The following CFDP1 variants were observed in gnomAD, a reference collection of about 807,000 sequenced individuals.
The protein encoded by CFDP1 is chromatin remodeling protein CFDP1, also known as heterochromatin-stabilizing protein CFDP1.
In CFDP1, 31 loss-of-function variants were observed where a neutral mutation model predicts 40.1. The ratio of observed to expected loss-of-function variants is 0.77; its 90% CI spans 0.58 to 1.04. The LOEUF (loss-of-function observed/expected upper bound fraction) is 1.04, where lower values mean the gene tolerates loss of function less well. Ranked by LOEUF, CFDP1 falls within the 50% of genes least tolerant of loss-of-function variation. The pLI, the probability that CFDP1 is intolerant of heterozygous loss-of-function variation, is 0.00. For missense variants in CFDP1, 423 were observed against 343.4 expected (o/e 1.23, Z -1.83); for synonymous variants, 167 against 120.0 (o/e 1.39, Z -2.56).
At chr16:75,326,585 G>C (rs901944337) in intron 5 of CFDP1, among the ~76,000 whole-genome samples, 2 of 152,216 alleles carry the variant, frequency 1.3e-5, no homozygotes, top group African/African-American at 2.4e-5. Context: ...GGAGCACAGT[G>C]AACAGGTAAG....
chr16:75,363,666 G>A (rs1005503977), intron 5 of CFDP1, among the ~76,000 whole-genome samples: 3 of 152,080 alleles, frequency 2.0e-5, no homozygotes, highest in Non-Finnish European at 4.4e-5. Flanking sequence ...AAAGTGCTGC[G>A]ATTACAGGTG....
At chr16:75,327,058 C>A (rs1046684503) in intron 5 of CFDP1, among the ~76,000 whole-genome samples, 1 of 152,124 alleles carries the variant, frequency 6.6e-6, no homozygotes, top group Admixed American at 6.5e-5. Flanking sequence ...ATCATGAGGT[C>A]AGGAGATCGA....
At chr16:75,356,633 C>T (rs534721828) in intron 5 of CFDP1, among the ~76,000 whole-genome samples, 1 of 152,248 alleles carries the variant, frequency 6.6e-6, no homozygotes, top group Admixed American at 6.5e-5. Flanking sequence ...AAAGAGCCAC[C>T]TTATCACTCG....
At chr16:75,390,784 C>A (rs889637073) in intron 5 of CFDP1, among the ~76,000 whole-genome samples, 1 of 152,324 alleles carries the variant, frequency 6.6e-6, no homozygotes, top group Non-Finnish European at 1.5e-5. Flanking sequence ...GTCAGGAGGT[C>A]CATTCCACCT....
At chr16:75,350,657 T>C (rs532050661) in intron 5 of CFDP1, among the ~76,000 whole-genome samples, 1 of 152,154 alleles carries the variant, frequency 6.6e-6, no homozygotes, top group East Asian at 1.9e-4. Flanking sequence ...TGCAAGACTC[T>C]GTAATAACAA....
intron 5 of CFDP1, among the ~76,000 whole-genome samples, chr16:75,320,936 T>C (rs1200120286): frequency 6.6e-6 from 1 of 152,170 alleles, no homozygotes; most frequent in Non-Finnish European, 1.5e-5. Flanking sequence ...TCTGGAAGAA[T>C]GCTGGAAAAT....
At position 75,424,519 on chromosome 16, in the gene CFDP1, G is replaced by A. The variant is rs148671276; in HGVS notation, c.64+8770C>T. 2.0e-5 allele frequency among the ~76,000 whole-genome samples: 3 copies of A among 152,296 alleles called. No homozygotes were observed. The East Asian group carries it at 5.8e-4, about 29-fold the overall frequency. ...GCCTATAATCCCAGCACTTTGGGAG[G>A]CTGAGGCGGGCGGATCACGAGGTCA... is the stretch of plus-strand genomic sequence containing the variant. On this transcript the variant is annotated intron_variant, in intron 1 of 6. Transcript: ENST00000283882.
intron 5 of CFDP1, among the ~76,000 whole-genome samples, chr16:75,384,854 ATATATATATATATATAT>A (rs2078880237): frequency 9.9e-4 from 124 of 124,898 alleles, no homozygotes; most frequent in African/African-American, 3.3e-3. Flanking sequence ...AACTAAAACT[ATATATATATATATATAT>A]ATATATATAT....
chr16:75,326,982 G>A (rs1230044481), intron 5 of CFDP1, among the ~76,000 whole-genome samples: 1 of 152,178 alleles, frequency 6.6e-6, no homozygotes, highest in African/African-American at 2.4e-5. Flanking sequence ...CTATCAAAAC[G>A]GGAATAGGCC....
chr16:75,313,333 G>A (rs904157290), intron 5 of CFDP1, among the ~76,000 whole-genome samples: 27 of 151,958 alleles, frequency 1.8e-4, no homozygotes, highest in Non-Finnish European at 3.7e-4. Context: ...GCATGTGAGA[G>A]TTTTTTTTGT....
chr16:75,327,185 T>A (rs1171955760), intron 5 of CFDP1, among the ~76,000 whole-genome samples: 1 of 152,128 alleles, frequency 6.6e-6, no homozygotes, highest in African/African-American at 2.4e-5. Context: ...GAGAATAGCG[T>A]GAACCCGGGA....
rs528095008 is a variant in CFDP1 at position 75,424,200 on chromosome 16, G to A, written c.64+9089C>T. 2.3e-3 allele frequency among the ~76,000 whole-genome samples: 349 copies of A among 152,282 alleles called. 2 individuals carry two copies. The highest frequency in any genetic ancestry group is 7.9e-3 in the African/African-American group (328 of 41,566). On this transcript the variant is annotated intron_variant, in intron 1 of 6. Transcript: ENST00000283882. ...CTCTGAGGGACAATATATGCAGACT[G>A]CCAAGGTTAACATTCCAGCTAAGTT...
intron 1 of CFDP1, among the ~76,000 whole-genome samples, chr16:75,418,607 C>G (rs1006605989): frequency 3.3e-5 from 5 of 152,034 alleles, no homozygotes; most frequent in Admixed American, 6.6e-5. Flanking sequence ...ACGCGCCCGG[C>G]TAACCCTTTT....
intron 5 of CFDP1, among the ~76,000 whole-genome samples, chr16:75,319,160 C>T (rs1014737855): frequency 6.6e-6 from 1 of 152,158 alleles, no homozygotes; most frequent in Non-Finnish European, 1.5e-5. Context: ...TCTCCAGCCT[C>T]AGACTCCTGA....
intron 5 of CFDP1, among the ~76,000 whole-genome samples, chr16:75,309,405 C>T (rs984542897): frequency 1.3e-5 from 2 of 152,030 alleles, no homozygotes; most frequent in Admixed American, 6.6e-5. Context: ...AGCCACGCAC[C>T]TCCGAGAACT....
At chr16:75,303,393 A>ATG (rs1348496462) in intron 6 of CFDP1, among the ~76,000 whole-genome samples, 42 of 135,282 alleles carry the variant, frequency 3.1e-4, no homozygotes, top group South Asian at 1.0e-3. Flanking sequence ...AAATAAATAA[A>ATG]TAAATAAATG....
intron 5 of CFDP1, among the ~76,000 whole-genome samples, chr16:75,323,779 C>CAAA (rs5817940): frequency 2.2e-5 from 3 of 136,108 alleles, no homozygotes; most frequent in South Asian, 4.6e-4. Flanking sequence ...AGCTCTGTCT[C>CAAA]AAAAAAAAAA....
chr16:75,299,703 T>C (rs1470348702), intron 6 of CFDP1, among the ~76,000 whole-genome samples: 5 of 152,258 alleles, frequency 3.3e-5, no homozygotes, highest in South Asian at 2.1e-4. Context: ...GCACCTGCTC[T>C]GGGCTGGTAA....
intron 5 of CFDP1, among the ~76,000 whole-genome samples, chr16:75,352,742 G>C (rs1273713500): frequency 6.6e-6 from 1 of 152,014 alleles, no homozygotes; most frequent in Non-Finnish European, 1.5e-5. Flanking sequence ...TTCACTTCCA[G>C]TACAGTATTT....
Sources: gnomAD v4.1 joint callset for allele counts (sites outside exome capture counted in the v4.1 genomes callset) on GRCh38, gnomAD v4.1.1 for gene constraint, MANE v1.5 for transcripts, NCBI Gene and HGNC (gene_info 2026-07-23, HGNC 2026-07-21) for gene names.